The following USP49 variants were observed in gnomAD, a reference collection of about 807,000 sequenced individuals.
USP49 encodes the protein ubiquitin specific peptidase 49.
Under a neutral mutation model 58.6 loss-of-function variants are expected in USP49, and 24 were observed. The ratio of observed to expected loss-of-function variants is 0.41; its 90% CI spans 0.30 to 0.58. The LOEUF (loss-of-function observed/expected upper bound fraction) is 0.58, where lower values mean the gene tolerates loss of function less well. USP49 is among the 20% of genes least tolerant of loss of function. The pLI is 0.30. For missense variants in USP49, 703 were observed against 866.1 expected, an observed-to-expected ratio of 0.81 and a Z score of 2.36; for synonymous variants, 408 against 365.1, an observed-to-expected ratio of 1.12 and a Z score of -1.34.
At chr6:41,837,638 C>T (rs1773751244) in intron 3 of USP49, among the ~76,000 whole-genome samples, 1 of 152,070 alleles carries the variant, frequency 6.6e-6, no homozygotes, top group African/African-American at 2.4e-5. Flanking sequence ...AGAACAACAA[C>T]AACAACAAAA....
intron 3 of USP49, among the ~76,000 whole-genome samples, chr6:41,865,818 T>C (rs908907714): frequency 2.0e-5 from 3 of 148,974 alleles, no homozygotes; most frequent in Admixed American, 2.0e-4. Context: ...TTTTTTTTTT[T>C]TTTCCCCCAG....
chr6:41,840,594 T>C (rs1026230215), intron 3 of USP49, among the ~76,000 whole-genome samples: 1 of 152,086 alleles, frequency 6.6e-6, no homozygotes, highest in African/African-American at 2.4e-5. Flanking sequence ...AGGTTCTTTC[T>C]TTTATAATTT....
chr6:41,813,865 C>A (rs937307908), intron 3 of USP49, among the ~76,000 whole-genome samples: 15 of 152,138 alleles, frequency 9.9e-5, no homozygotes, highest in African/African-American at 3.4e-4. Flanking sequence ...AAAGAGAATA[C>A]CACCTCAGGT....
chr6:41,888,507 A>G (rs1774756203), intron 2 of USP49, among the ~76,000 whole-genome samples: 1 of 151,930 alleles, frequency 6.6e-6, no homozygotes, highest in African/African-American at 2.4e-5. Context: ...AGGCTGGAGT[A>G]CAACAGCACG....
At chr6:41,873,568 C>A (rs1226120232) in intron 2 of USP49, among the ~76,000 whole-genome samples, 1 of 152,182 alleles carries the variant, frequency 6.6e-6, no homozygotes. Flanking sequence ...GTTTCACATC[C>A]ACAAAATGTC....
intron 1 of USP49, among the ~76,000 whole-genome samples, chr6:41,895,037 C>T (rs1561930019): frequency 6.7e-6 from 1 of 148,608 alleles, no homozygotes; most frequent in Non-Finnish European, 1.5e-5. Flanking sequence ...CCGCCCCCGC[C>T]CCGGGCGCCC....
intron 2 of USP49, among the ~76,000 whole-genome samples, chr6:41,890,630 C>T (rs949278464): frequency 1.3e-5 from 2 of 151,980 alleles, no homozygotes; most frequent in Non-Finnish European, 2.9e-5. Flanking sequence ...GCTGACGTGG[C>T]GCCACTGCAT....
intron 3 of USP49, among the ~76,000 whole-genome samples, chr6:41,816,656 G>C (rs1311258010): frequency 6.6e-6 from 1 of 152,034 alleles, no homozygotes; most frequent in Non-Finnish European, 1.5e-5. Flanking sequence ...CTCATGTAAA[G>C]TAAAAACCTG....
intron 7 of USP49, 110 bp downstream of exon 7, chr6:41,798,614 G>C: frequency 6.3e-7 from 1 of 1,593,924 alleles, no homozygotes; most frequent in Admixed American, 1.7e-5. Context: ...TTTGATGTAT[G>C]TAATTTCCCT....
intron 5 of USP49, 59 bp from the exon 6 acceptor site, chr6:41,799,997 A>G: frequency 6.8e-7 from 1 of 1,465,880 alleles, no homozygotes; most frequent in Non-Finnish European, 9.5e-7. Flanking sequence ...TAGCTATGGC[A>G]GAGACAGTGA....
At chr6:41,861,921 G>A (rs990755685) in intron 3 of USP49, among the ~76,000 whole-genome samples, 1 of 151,872 alleles carries the variant, frequency 6.6e-6, no homozygotes, top group Non-Finnish European at 1.5e-5. Context: ...GACTGGTCTC[G>A]AACTCCTGTC....
intron 4 of USP49, among the ~76,000 whole-genome samples, chr6:41,804,830 C>T (rs1358284601): frequency 6.6e-6 from 1 of 152,206 alleles, no homozygotes; most frequent in Non-Finnish European, 1.5e-5. Flanking sequence ...CTCACCGCAA[C>T]CTCCGCCTCC....
At chr6:41,841,219 C>A (rs1158765437) in intron 3 of USP49, among the ~76,000 whole-genome samples, 1 of 152,000 alleles carries the variant, frequency 6.6e-6, no homozygotes, top group Non-Finnish European at 1.5e-5. Context: ...AGAAGGGTCT[C>A]TTGTACTTCC....
chr6:41,845,382 C>T (rs1370698365), intron 3 of USP49, among the ~76,000 whole-genome samples: 5 of 151,894 alleles, frequency 3.3e-5, no homozygotes, highest in South Asian at 2.1e-4. Context: ...TAAAATTAGC[C>T]GGGTATGGTG....
chr6:41,852,854 TGTG>T (rs367694528), intron 3 of USP49, among the ~76,000 whole-genome samples: 18 of 152,182 alleles, frequency 1.2e-4, no homozygotes, highest in African/African-American at 3.9e-4. Flanking sequence ...ATAAACAAAA[TGTG>T]GTATACACAT....
At chr6:41,847,909 T>C (rs1773950856) in intron 3 of USP49, among the ~76,000 whole-genome samples, 1 of 152,098 alleles carries the variant, frequency 6.6e-6, no homozygotes, top group Admixed American at 6.6e-5. Flanking sequence ...AGGAGATAAA[T>C]GGATATGCAC....
intron 6 of USP49, among the ~76,000 whole-genome samples, chr6:41,799,250 T>G (rs1345419899): frequency 6.6e-6 from 1 of 152,040 alleles, no homozygotes; most frequent in Non-Finnish European, 1.5e-5. Flanking sequence ...GGACTATAGG[T>G]GCACACCACC....
Position 41,806,723 on chromosome 6 carries a change from G to C in USP49, c.261C>G (p.Asn87Lys). ...TTAGCAGCTTCAGGTCCCCCTCTGG[G>C]TTATCATTGAGCACGTAGTCCTTGC... ...YLCKDYVLNDNPEGDLKLLRS... is the reference protein window; with the variant it reads ...YLCKDYVLNDKPEGDLKLLRS... Residue 87 changes from asparagine (N) to lysine (K), a missense_variant, in exon 4 of 8, where the codon AAC becomes AAG. Transcript: ENST00000682992. The surrounding 1 kb of genome is among the most constrained non-coding windows in gnomAD (Gnocchi z 5.9). The C allele has an allele frequency of 6.2e-7, 1 of 1,614,266 alleles. No individual in the cohort carries two copies. The highest frequency in any genetic ancestry group is 8.5e-7 in the Non-Finnish European group (1 of 1,180,048).
intron 3 of USP49, among the ~76,000 whole-genome samples, chr6:41,843,218 G>A (rs769134007): frequency 7.9e-5 from 12 of 152,128 alleles, no homozygotes; most frequent in Admixed American, 3.3e-4. Context: ...AATTACTTTC[G>A]AACCAGTCAG....
Sources: allele counts gnomAD v4.1 joint callset (sites outside exome capture counted in the v4.1 genomes callset), GRCh38; gene constraint gnomAD v4.1.1; non-coding constraint Gnocchi (gnomAD v3.1); transcripts MANE v1.5; gene names NCBI Gene and HGNC (gene_info 2026-07-23, HGNC 2026-07-21).